Variants in PCDHA7 observed in about 807,000 individuals in gnomAD.
PCDHA7 encodes protocadherin alpha 7, also known as protocadherin alpha-7.
A neutral mutation model predicts 57.2 loss-of-function variants in PCDHA7; 37 were observed. The observed-to-expected ratio is 0.65, with a 90% CI of 0.50 to 0.85. The LOEUF is 0.85. Ranked by LOEUF, PCDHA7 falls within the 40% of genes least tolerant of loss-of-function variation. PCDHA7 has a pLI of 0.00. For missense variants in PCDHA7, 1,188 were observed against 1,241.8 expected (o/e 0.96, Z 0.65); for synonymous variants, 553 against 558.8 (o/e 0.99, Z 0.15).
Position 140,849,746 on chromosome 5 carries a change from T to G in PCDHA7, c.2355+13008T>G, listed in dbSNP as rs2150447912. On this transcript the variant is annotated intron_variant, in intron 1 of 3. Transcript: ENST00000525929. ...TGGACAGAGCTCTGGACCGCGAGAG[T>G]GTGTCCGCCTACGAGCTGGTGGTTA... The G allele has an allele frequency of 2.3e-5, 37 of 1,597,844 alleles. 5 individuals carry two copies. Among genetic ancestry groups the G allele is most frequent in the Admixed American group, 6.8e-5 (4 of 59,208 alleles).
intron 1 of PCDHA7, chr5:140,969,383 C>T: frequency 6.3e-6 from 10 of 1,597,986 alleles, no homozygotes; most frequent in African/African-American, 1.3e-5. Context: ...TGTTACACAT[C>T]CCCCAATATC....
chr5:140,947,948 T>C (rs2094196051), intron 1 of PCDHA7, among the ~76,000 whole-genome samples: 1 of 151,586 alleles, frequency 6.6e-6, no homozygotes, highest in South Asian at 2.1e-4. Context: ...AAGTGTTCCA[T>C]ATTTTACAAT....
chr5:140,856,448 G>T (rs782383115), intron 1 of PCDHA7: 3 of 1,598,274 alleles, frequency 1.9e-6, no homozygotes, highest in South Asian at 2.2e-5. Context: ...CAGGTTCTCC[G>T]TAACAGAACA....
intron 1 of PCDHA7, among the ~76,000 whole-genome samples, chr5:140,930,773 TA>T (rs1192170091): frequency 6.6e-6 from 1 of 152,226 alleles, no homozygotes; most frequent in East Asian, 1.9e-4. Flanking sequence ...CTGTACTTAA[TA>T]TTTTCACAAT....
chr5:140,883,581 C>T (rs144119560), intron 1 of PCDHA7: 1 of 1,614,018 alleles, frequency 6.2e-7, no homozygotes, highest in Non-Finnish European at 8.5e-7. Flanking sequence ...CTGTGGGCCA[C>T]GGCCAGCGTG....
At chr5:140,951,373 C>T (rs1554219872) in intron 1 of PCDHA7, among the ~76,000 whole-genome samples, 1 of 151,996 alleles carries the variant, frequency 6.6e-6, no homozygotes, top group Non-Finnish European at 1.5e-5. Context: ...AAAGAAACAC[C>T]CAAGACTCGG....
chr5:140,850,117 G>T, intron 1 of PCDHA7: 2 of 1,596,096 alleles, frequency 1.3e-6, no homozygotes, highest in Non-Finnish European at 1.7e-6. Flanking sequence ...CGCGACGCGG[G>T]CGTGCCGCCT....
chr5:140,975,516 G>T (rs1310855349), intron 1 of PCDHA7, among the ~76,000 whole-genome samples: 1 of 152,166 alleles, frequency 6.6e-6, no homozygotes, highest in Non-Finnish European at 1.5e-5. Flanking sequence ...TGCAAAATCT[G>T]CAGTGGATAT....
intron 3 of PCDHA7, among the ~76,000 whole-genome samples, chr5:141,004,011 CT>C (rs1220756747): frequency 2.6e-4 from 40 of 152,200 alleles, no homozygotes; most frequent in African/African-American, 9.4e-4. Context: ...GGAGGCAGCA[CT>C]GAAAGAAGAA....
chr5:140,976,037 T>C (rs1466922826), intron 1 of PCDHA7, among the ~76,000 whole-genome samples: 1 of 152,200 alleles, frequency 6.6e-6, no homozygotes, highest in Non-Finnish European at 1.5e-5. Context: ...ATTTCAACTG[T>C]GATTGAAATT....
Position 140,835,822 on chromosome 5 carries a change from G to A in PCDHA7, c.1439G>A (p.Gly480Glu), listed in dbSNP as rs2150245895. The A allele has an allele frequency of 3.1e-6, 5 of 1,612,688 alleles. No individual in the cohort carries two copies. The highest frequency in any genetic ancestry group is 2.2e-5 in the South Asian group (2 of 91,030). Residue 480 changes from glycine (G) to glutamate (E), a missense_variant, in exon 1 of 4, where the codon GGG (glycine) becomes GAG (glutamate). This residue lies in a region of PCDHA7 where 892 missense variants were observed against 788.5 expected (regional missense o/e 1.13). Coordinates refer to ENST00000525929, the MANE Select transcript of PCDHA7 (RefSeq NM_018910.3). ...PGCHIFTVSA[G>E]DADAQKNALV... is the part of the protein sequence containing the mutation. ...TGCCACATCTTCACTGTGTCGGCGG[G>A]GGACGCGGACGCGCAGAAGAACGCG...
At chr5:140,869,463 C>T (rs1554163094) in intron 1 of PCDHA7, 1 of 1,614,148 alleles carries the variant, frequency 6.2e-7, no homozygotes, top group South Asian at 1.1e-5. Context: ...TCCATGTGAA[C>T]GTGGAGGTGA....
chr5:140,976,644 A>G (rs1487728765), intron 1 of PCDHA7, among the ~76,000 whole-genome samples: 1 of 152,228 alleles, frequency 6.6e-6, no homozygotes, highest in Admixed American at 6.5e-5. Context: ...CAGACAAGTA[A>G]TTTAATCTCT....
At chr5:140,930,184 G>A (rs2153603505) in intron 1 of PCDHA7, 1 of 152,258 alleles carries the variant, frequency 6.6e-6, no homozygotes, top group South Asian at 2.1e-4. Context: ...GGAAAGATGA[G>A]TAATTTTTAT....
intron 1 of PCDHA7, among the ~76,000 whole-genome samples, chr5:140,947,064 A>G (rs1554218040): frequency 6.6e-6 from 1 of 151,738 alleles, no homozygotes; most frequent in African/African-American, 2.4e-5. Flanking sequence ...TACACAGTGT[A>G]TATATGTATT....
At chr5:140,926,301 C>T (rs1554203262) in intron 1 of PCDHA7, 1 of 152,336 alleles carries the variant, frequency 6.6e-6, no homozygotes, top group Non-Finnish European at 1.5e-5. Flanking sequence ...GTCCCGCCCT[C>T]TCCGCCGGAG....
intron 3 of PCDHA7, among the ~76,000 whole-genome samples, chr5:141,004,049 A>T (rs1372116883): frequency 6.6e-6 from 1 of 152,208 alleles, no homozygotes; most frequent in African/African-American, 2.4e-5. Flanking sequence ...TCATTTGCTG[A>T]TACTGGCCCC....
intron 1 of PCDHA7, chr5:140,883,089 A>G (rs1403331305): frequency 1.1e-5 from 17 of 1,614,038 alleles, no homozygotes; most frequent in Non-Finnish European, 1.4e-5. Context: ...GATGGTACAA[A>G]TGGAGATATA....
Position 140,968,771 on chromosome 5 carries a change from T to C in PCDHA7, c.2356-10178T>C, listed in dbSNP as rs144153196. The C allele has an allele frequency of 3.1e-6, 5 of 1,614,024 alleles. No homozygotes were observed. Among genetic ancestry groups the C allele is most frequent in the Non-Finnish European group, 4.2e-6 (5 of 1,180,044 alleles). On this transcript the variant is annotated intron_variant, in intron 1 of 3. Transcript: ENST00000525929. The stretch of plus-strand genomic sequence containing the variant: ...GGTGGTCCGAGATAATGGAGAGCCA[T>C]CACTATCAGCCTCTGTGGCCATTAC...
Sources: gnomAD v4.1 joint callset for allele counts (sites outside exome capture counted in the v4.1 genomes callset) on GRCh38, gnomAD v4.1.1 for gene constraint, gnomAD v4.1.1 regional missense constraint, MANE v1.5 for transcripts, NCBI Gene and HGNC (gene_info 2026-07-23, HGNC 2026-07-21) for gene names.